Variants in NELL2 observed in about 807,000 individuals in gnomAD.
NELL2 encodes neural EGFL like 2.
A neutral mutation model predicts 109.6 loss-of-function variants in NELL2; 41 were observed. The ratio of observed to expected loss-of-function variants is 0.37; its 90% CI spans 0.29 to 0.49. The LOEUF (loss-of-function observed/expected upper bound fraction) is 0.49, where lower values mean the gene tolerates loss of function less well. NELL2 is among the 20% of genes least tolerant of loss of function. The pLI, the probability that NELL2 is intolerant of heterozygous loss-of-function variation, is 0.98. For synonymous variants in NELL2, 355 were observed against 344.7 expected (o/e 1.03, Z -0.33); for missense variants, 900 against 1,008.3 (o/e 0.89, Z 1.45).
At chr12:44,768,640 T>A (rs745689116) in intron 9 of NELL2, among the ~76,000 whole-genome samples, 10 of 152,212 alleles carry the variant, frequency 6.6e-5, no homozygotes, top group Admixed American at 2.6e-4. Context: ...AGCTTTCAGC[T>A]CAATTTTTTG....
At chr12:44,842,414 C>T (rs375419328) in intron 2 of NELL2, among the ~76,000 whole-genome samples, 34 of 152,224 alleles carry the variant, frequency 2.2e-4, no homozygotes, top group African/African-American at 7.9e-4. Flanking sequence ...CCTTGGATTT[C>T]ATCTCATACC....
intron 15 of NELL2, among the ~76,000 whole-genome samples, chr12:44,583,428 G>C (rs1944390318): frequency 6.6e-6 from 1 of 152,186 alleles, no homozygotes; most frequent in Non-Finnish European, 1.5e-5. Context: ...AAACTTATGA[G>C]AGCAGAGACC....
At chr12:44,888,108 T>A (rs1945494658) in intron 1 of NELL2, among the ~76,000 whole-genome samples, 1 of 152,066 alleles carries the variant, frequency 6.6e-6, no homozygotes, top group African/African-American at 2.4e-5. Flanking sequence ...TTCCCCATTG[T>A]ATGTTCTTGG....
chr12:44,679,983 C>T (rs2136367692), intron 12 of NELL2, among the ~76,000 whole-genome samples: 1 of 152,204 alleles, frequency 6.6e-6, no homozygotes, highest in South Asian at 2.1e-4. Context: ...AACAGACAGT[C>T]TCATTTAAAT....
In NELL2 at chr12:44,762,732, T is replaced by C. The variant is rs187933580; in HGVS notation, c.994+12015A>G. Reference sequence around the variant, plus strand: ...TCTCCTCTTCACTAGTTAAATGCTATTTTTTATTAGAACTCAACTCCAACA... The same window carrying C: ...TCTCCTCTTCACTAGTTAAATGCTACTTTTTATTAGAACTCAACTCCAACA... On this transcript the variant is annotated intron_variant, in intron 9 of 19. Coordinates refer to ENST00000429094, the MANE Select transcript of NELL2 (RefSeq NM_001145108.2). Among the ~76,000 whole-genome samples, 213 of 152,182 alleles carry C rather than the reference T, an allele frequency of 1.4e-3. 1 individual carries two copies. Among genetic ancestry groups the C allele is most frequent in the African/African-American group, 4.7e-3 (196 of 41,568 alleles).
chr12:44,518,337 C>A (rs895690574), intron 19 of NELL2, among the ~76,000 whole-genome samples: 4 of 151,988 alleles, frequency 2.6e-5, no homozygotes, highest in Admixed American at 2.6e-4. Context: ...CTCCACCTCC[C>A]GGGTTCACGC....
intron 9 of NELL2, among the ~76,000 whole-genome samples, chr12:44,716,198 A>G (rs1258008405): frequency 2.0e-5 from 3 of 152,186 alleles, no homozygotes; most frequent in Admixed American, 6.6e-5. Flanking sequence ...AAAGTTGCAC[A>G]TTTAAATAAT....
chr12:44,559,359 C>T (rs1192825543), intron 15 of NELL2, among the ~76,000 whole-genome samples: 1 of 152,092 alleles, frequency 6.6e-6, no homozygotes, highest in Non-Finnish European at 1.5e-5. Flanking sequence ...AGGTTAAATG[C>T]CCCAATTAAA....
chr12:44,816,316 G>A (rs1294661999), intron 2 of NELL2, among the ~76,000 whole-genome samples, 180 bp from the exon 3 acceptor site: 2 of 151,998 alleles, frequency 1.3e-5, no homozygotes, highest in Non-Finnish European at 2.9e-5. Context: ...TAATAACACA[G>A]GACAATAAAA....
At chr12:44,567,701 C>T (rs903182634) in intron 15 of NELL2, among the ~76,000 whole-genome samples, 1 of 152,122 alleles carries the variant, frequency 6.6e-6, no homozygotes, top group African/African-American at 2.4e-5. Context: ...GCTTAATTTG[C>T]TACCCTAAAC....
intron 2 of NELL2, among the ~76,000 whole-genome samples, chr12:44,839,612 C>A (rs1944159664): frequency 6.6e-6 from 1 of 152,170 alleles, no homozygotes; most frequent in Non-Finnish European, 1.5e-5. Flanking sequence ...ATGTCATTAT[C>A]TAATTCCAAT....
At chr12:44,850,841 T>C (rs1245686526) in intron 2 of NELL2, among the ~76,000 whole-genome samples, 1 of 152,136 alleles carries the variant, frequency 6.6e-6, no homozygotes, top group Admixed American at 6.6e-5. Context: ...TTGGCTACGG[T>C]GATAATATAG....
At chr12:44,551,910 C>A (rs752546191) in intron 15 of NELL2, among the ~76,000 whole-genome samples, 1 of 152,102 alleles carries the variant, frequency 6.6e-6, no homozygotes, top group Non-Finnish European at 1.5e-5. Flanking sequence ...CTACTAGAAT[C>A]CCCTCAGAGA....
chr12:44,636,731 G>A (rs1168852703), intron 13 of NELL2, among the ~76,000 whole-genome samples: 1 of 152,132 alleles, frequency 6.6e-6, no homozygotes. Flanking sequence ...CAGGGATATT[G>A]GTCTGAAATT....
rs144306927 is a variant in NELL2, at chr12:44,644,631, C to CATATAT, written c.1444+20847_1444+20852dup. Among the ~76,000 whole-genome samples, 265 of 100,908 alleles carry CATATAT rather than the reference C, an allele frequency of 2.6e-3. 2 individuals carry two copies. The highest frequency in any genetic ancestry group is 8.0e-3 in the African/African-American group (211 of 26,352). The allele number at this position is 100,908 out of a possible 152,430, so 66.2% of individuals were successfully genotyped here. On this transcript the variant is annotated intron_variant, in intron 13 of 19. Coordinates refer to ENST00000429094, the MANE Select transcript of NELL2 (RefSeq NM_001145108.2). ...ATGTATATATATATATATATACATA[C>CATATAT]ATATATATATATATATATACACACA...
intron 15 of NELL2, among the ~76,000 whole-genome samples, chr12:44,598,881 ACACTCTCTCT>A (rs1490616445): frequency 4.7e-5 from 7 of 148,416 alleles, no homozygotes; most frequent in African/African-American, 1.8e-4. Context: ...ACACACACAC[ACACTCTCTCT>A]CTCTCTCTCT....
chr12:44,616,279 T>C (rs74081504), intron 13 of NELL2, among the ~76,000 whole-genome samples: 2 of 152,316 alleles, frequency 1.3e-5, no homozygotes, highest in African/African-American at 2.4e-5. Context: ...CTATCTTGCA[T>C]CTTCTACTCT....
intron 15 of NELL2, among the ~76,000 whole-genome samples, chr12:44,552,674 C>T (rs900943385): frequency 1.3e-5 from 2 of 152,048 alleles, no homozygotes; most frequent in African/African-American, 4.8e-5. Flanking sequence ...ACATACCAAA[C>T]GATTTTTAGT....
intron 3 of NELL2, among the ~76,000 whole-genome samples, chr12:44,808,298 AT>A (rs1592575240): frequency 6.6e-6 from 1 of 152,032 alleles, no homozygotes; most frequent in Non-Finnish European, 1.5e-5. Context: ...CACATCACCT[AT>A]ATAAAAATTA....
Sources: allele counts gnomAD v4.1 joint callset (sites outside exome capture counted in the v4.1 genomes callset), GRCh38; gene constraint gnomAD v4.1.1; transcripts MANE v1.5; gene names NCBI Gene and HGNC (gene_info 2026-07-23, HGNC 2026-07-21).